Variants in MPND observed in about 807,000 individuals in gnomAD.
MPND encodes MPN domain-containing protein.
MPND carries 56 observed loss-of-function variants against 59.2 expected under a neutral mutation model. The observed-to-expected ratio is 0.95, with a 90% CI of 0.76 to 1.18. The LOEUF (loss-of-function observed/expected upper bound fraction) is 1.18. Ranked by LOEUF, MPND falls within the 50% of genes most tolerant of loss-of-function variation. MPND has a pLI of 0.00. For synonymous variants in MPND, 323 were observed against 291.9 expected (o/e 1.11, Z -1.09); for missense variants, 671 against 676.0 (o/e 0.99, Z 0.08).
intron 10 of MPND, 45 bp from the exon 11 acceptor site, chr19:4,358,038 C>T (rs1444764568): frequency 4.7e-6 from 7 of 1,491,990 alleles, no homozygotes; most frequent in Non-Finnish European, 6.4e-6. Context: ...CTGCCATGGG[C>T]TGCGGGCTGG....
In MPND at chr19:4,357,373, C is replaced by A; in HGVS notation, c.1117C>A (p.Leu373Met). The A allele has an allele frequency of 6.2e-7, 1 of 1,613,038 alleles. No individual in the cohort carries two copies. The part of the protein sequence containing the change: ...IDAQMDYQLR[L>M]QGSSNGFQPC... ...CGCACAGATGGACTACCAGCTGCGGCTGCAGGGCTCCAGCAATGGCTTCCA... is the reference window on the plus strand; with the variant it reads ...CGCACAGATGGACTACCAGCTGCGGATGCAGGGCTCCAGCAATGGCTTCCA... The change falls in exon 9 of 13, where the codon CTG (leucine) becomes ATG (methionine). Residue 373 changes from leucine (L) to methionine (M), a missense_variant. Leu to Met is a conservative substitution (Grantham distance 15). Transcript: ENST00000599840.
chr19:4,346,583 A>G (rs1026701541), intron 3 of MPND, among the ~76,000 whole-genome samples: 2 of 151,918 alleles, frequency 1.3e-5, no homozygotes, highest in African/African-American at 4.8e-5. Context: ...CACCCGGCTA[A>G]TTTTTGGATT....
Position 4,357,193 on chromosome 19 carries a change from C to T in MPND, c.997-60C>T. 1.4e-5 allele frequency: 21 copies of T among 1,508,626 alleles called. 1 individual carries two copies. In the South Asian group the frequency reaches 2.8e-4, roughly 20 times the overall value. The allele number at this position is 1,508,626 out of a possible 1,614,324, so 93.5% of individuals were successfully genotyped here. On this transcript the variant is annotated intron_variant, in intron 8 of 12. Transcript: ENST00000599840. ...GAATTCGTTCAGGGCTGGCCAGCCA[C>T]ATAAGCTCACTAGAGCCGTTCAGGC...
chr19:4,344,194 T>G (rs989701744), intron 2 of MPND, among the ~76,000 whole-genome samples, 200 bp downstream of exon 2: 1 of 134,276 alleles, frequency 7.4e-6, no homozygotes, highest in African/African-American at 2.9e-5. Context: ...AGAGCTCCAG[T>G]GTGAGGAGGG....
At chr19:4,354,247 G>T (rs1568398928) in intron 5 of MPND, 77 bp from the exon 6 acceptor site, 3 of 1,494,326 alleles carry the variant, frequency 2.0e-6, no homozygotes, top group South Asian at 2.4e-5. Flanking sequence ...AGAGCTGTGG[G>T]GTTGGGGGAG....
At position 4,345,895 on chromosome 19, in the gene MPND, A is replaced by G. The variant is rs1279209869; in HGVS notation, c.445A>G (p.Lys149Glu). 2 of 1,613,844 alleles carry G rather than the reference A, an allele frequency of 1.2e-6. No individual in the cohort carries two copies. The highest frequency in any genetic ancestry group is 1.7e-6 in the Non-Finnish European group (2 of 1,180,030). ...KKSGCGWASV[K>E]YKGQKLDKYK... is the part of the protein sequence containing the mutation. ...GTCGGGCTGTGGCTGGGCCTCTGTC[A>G]AGTACAAAGGCCAGAAACTGGACAA... Residue 149 changes from lysine to glutamate, a missense_variant, in exon 3 of 13, where the codon AAG (lysine) becomes GAG (glutamate). Lys to Glu is a moderately conservative substitution (Grantham distance 56). Coordinates refer to ENST00000599840, the MANE Select transcript of MPND (RefSeq NM_001300862.2).
intron 12 of MPND, 139 bp downstream of exon 12, chr19:4,359,394 C>T: frequency 1.6e-6 from 1 of 630,566 alleles, no homozygotes; most frequent in Non-Finnish European, 2.8e-6. Flanking sequence ...ACCCTGGTCA[C>T]CCCGTGGCCA....
At chr19:4,358,504 T>C in intron 11 of MPND, 1 of 274,018 alleles carries the variant, frequency 3.6e-6, no homozygotes, top group Non-Finnish European at 7.0e-6. Context: ...AACACTAAAC[T>C]AAGGCAGACA....
chr19:4,343,616 C>A lies in MPND; in HGVS notation c.7+16C>A. ...GCCATGGCAGGTACGGCGGGCCCAG[C>A]GGGGCGGAGGCGCGGGGCGCGGGGC... is the stretch of plus-strand genomic sequence containing the variant. On this transcript the variant is annotated intron_variant, in intron 1 of 12. Transcript: ENST00000599840. The A allele has an allele frequency of 1.1e-6, 1 of 945,874 alleles. No individual in the cohort carries two copies. The highest frequency in any genetic ancestry group is 1.3e-6 in the Non-Finnish European group (1 of 754,326). The allele number at this position is 945,874 out of a possible 1,614,324, so 58.6% of individuals were successfully genotyped here.
chr19:4,347,768 A>G (rs1327039483), intron 3 of MPND: 3 of 603,646 alleles, frequency 5.0e-6, no homozygotes, highest in South Asian at 2.1e-5. Flanking sequence ...TGCCCGACGC[A>G]GTGGCAAAAA....
intron 3 of MPND, chr19:4,347,688 A>T (rs894403504): frequency 8.0e-6 from 4 of 497,032 alleles, no homozygotes; most frequent in Non-Finnish European, 1.4e-5. Context: ...ACAGAAAGGA[A>T]ATTCTACTCA....
chr19:4,351,532 G>A (rs72986788), intron 3 of MPND, among the ~76,000 whole-genome samples: 2 of 152,286 alleles, frequency 1.3e-5, no homozygotes, highest in East Asian at 1.9e-4. Context: ...TGCCATCCCC[G>A]TGGAGTTGGA....
chr19:4,353,455 A>T (rs1021600953), intron 4 of MPND, among the ~76,000 whole-genome samples: 1 of 152,080 alleles, frequency 6.6e-6, no homozygotes, highest in Non-Finnish European at 1.5e-5. Flanking sequence ...TTTAGTAGAG[A>T]TGGAGTTTCA....
Position 4,343,859 on chromosome 19 carries a change from C to T in MPND, c.159C>T (p.Gly53=). The T allele has an allele frequency of 6.4e-6, 7 of 1,096,282 alleles. No homozygotes were observed. The highest frequency in any genetic ancestry group is 4.2e-5 in the East Asian group (1 of 23,972). 67.9% of individuals were successfully genotyped at this position (1,096,282 alleles called of 1,614,324 possible). A position where few individuals can be genotyped will look rare whatever the true frequency, so the allele number is the denominator to read the frequency against. The change falls in exon 2 of 13, where the codon GGC becomes GGT. Residue 53 remains glycine (G), a synonymous_variant. Transcript: ENST00000599840. ...GCGGCAGTAGCGTCAGCGGAGGAGG[C>T]GGCGGCGGCGGGGCCGGGGCGGGGG... is the stretch of plus-strand genomic sequence containing the variant. ...GGGGSSVSGG[G]GGGGAGAGGC... is the part of the protein sequence containing the mutation.
intron 3 of MPND, among the ~76,000 whole-genome samples, chr19:4,352,373 C>T (rs1443819039): frequency 6.6e-6 from 1 of 152,122 alleles, no homozygotes; most frequent in African/African-American, 2.4e-5. Context: ...CCAAAGGTTG[C>T]GCAGGGCTTG....
At chr19:4,358,011 C>G (rs957291733) in intron 10 of MPND, 72 bp from the exon 11 acceptor site, 1 of 1,313,894 alleles carries the variant, frequency 7.6e-7, no homozygotes, top group Non-Finnish European at 1.1e-6. Context: ...AGCCCGGGCA[C>G]TGCCAATTGT....
At chr19:4,346,327 C>T (rs1972185406) in intron 3 of MPND, among the ~76,000 whole-genome samples, 1 of 152,152 alleles carries the variant, frequency 6.6e-6, no homozygotes, top group South Asian at 2.1e-4. Context: ...ACCAGAGGGG[C>T]ACTGGGGGAA....
In MPND at chr19:4,344,009, T is replaced by A; in HGVS notation, c.294+15T>A. 7.7e-7 allele frequency: 1 copy of A among 1,306,836 alleles called. No individual in the cohort carries two copies. Among genetic ancestry groups the A allele is most frequent in the Non-Finnish European group, 9.7e-7 (1 of 1,029,570 alleles). 81.0% of individuals were successfully genotyped at this position (1,306,836 alleles called of 1,614,324 possible). On this transcript the variant is annotated intron_variant, in intron 2 of 12. Coordinates refer to ENST00000599840, the MANE Select transcript of MPND (RefSeq NM_001300862.2). The stretch of plus-strand genomic sequence containing the variant: ...TCTACTACCTGGTGAGCACCCCGCC[T>A]CCCTCGTCCCATCGCGGCTCGGGCA...
chr19:4,349,564 G>A lies in MPND; in HGVS notation c.532-3333G>A, dbSNP rs539546646. Among the ~76,000 whole-genome samples the A allele has an allele frequency of 3.2e-4, 49 of 151,978 alleles. No homozygotes were observed. The South Asian group carries it at 4.2e-3, about 13-fold the overall frequency. Reference sequence around the variant, plus strand: ...TCGCTCTTGTTGCCCAGGCTGGAGCGCAATGGCGTGATCTTGGCTCACTGC... The same window carrying A: ...TCGCTCTTGTTGCCCAGGCTGGAGCACAATGGCGTGATCTTGGCTCACTGC... On this transcript the variant is annotated intron_variant, in intron 3 of 12. Transcript: ENST00000599840.
Sources: gnomAD v4.1 joint callset for allele counts (sites outside exome capture counted in the v4.1 genomes callset) on GRCh38, gnomAD v4.1.1 for gene constraint, MANE v1.5 for transcripts, NCBI Gene and HGNC (gene_info 2026-07-23, HGNC 2026-07-21) for gene names.